STPG2: variants seen among roughly 807,000 people sequenced by gnomAD.
STPG2 encodes the protein sperm-tail PG-rich repeat-containing protein 2.
STPG2 carries 56 observed loss-of-function variants against 54.2 expected under a neutral mutation model. That is an observed-to-expected ratio of 1.03 (90% CI 0.83 to 1.29). The LOEUF is 1.29. Among genes scored for constraint, STPG2 ranks in the 50% most tolerant of loss-of-function variants. The probability of loss-of-function intolerance (pLI) is 0.00; values close to 1 mark genes in which losing one functional copy is unlikely to be tolerated. For missense variants in STPG2, 596 were observed against 544.9 expected (o/e 1.09, Z -0.93); for synonymous variants, 200 against 181.8 (o/e 1.10, Z -0.81).
At chr4:97,801,323 C>A (rs1422190047) in intron 9 of STPG2, among the ~76,000 whole-genome samples, 3 of 152,152 alleles carry the variant, frequency 2.0e-5, no homozygotes, top group Admixed American at 6.5e-5. Context: ...CATCTTGGAA[C>A]CTCCCCATTT....
intron 5 of STPG2, among the ~76,000 whole-genome samples, chr4:98,053,589 G>T (rs1244790266): frequency 6.6e-6 from 1 of 151,914 alleles, no homozygotes; most frequent in Admixed American, 6.6e-5. Context: ...CTGACTTTAG[G>T]CTTTTATTTA....
At chr4:97,784,783 G>A (rs1433633449) in intron 9 of STPG2, among the ~76,000 whole-genome samples, 2 of 151,946 alleles carry the variant, frequency 1.3e-5, no homozygotes, top group Non-Finnish European at 2.9e-5. Context: ...AATTGGAAAT[G>A]ATTAAAGAGA....
chr4:97,688,349 T>A (rs947031289), intron 10 of STPG2, among the ~76,000 whole-genome samples: 1 of 152,116 alleles, frequency 6.6e-6, no homozygotes, highest in Admixed American at 6.5e-5. Context: ...TTGAAAATGA[T>A]AATGATGCCA....
intron 9 of STPG2, among the ~76,000 whole-genome samples, chr4:97,783,964 T>A (rs1327772413): frequency 3.3e-5 from 5 of 151,372 alleles, no homozygotes; most frequent in Non-Finnish European, 7.4e-5. Flanking sequence ...ACATACCTAA[T>A]GTAAATGACG....
chr4:97,616,059 T>TAC lies in STPG2; in HGVS notation c.1321-56943_1321-56942insGT, dbSNP rs1332447435. Among the ~76,000 whole-genome samples the TAC allele has an allele frequency of 1.3e-3, 41 of 31,324 alleles. 1 individual carries two copies. The highest frequency in any genetic ancestry group is 3.8e-3 in the African/African-American group (36 of 9,356). The allele number at this position is 31,324 out of a possible 152,430, so 20.5% of individuals were successfully genotyped here. On this transcript the variant is annotated intron_variant, in intron 10 of 10. Coordinates refer to ENST00000295268, the MANE Select transcript of STPG2 (RefSeq NM_174952.3). Reference sequence around the variant, plus strand: ...CTCAAAAAAAAAAAATACATATAAATATATATATATATATATATATATATA... The same window carrying TAC: ...CTCAAAAAAAAAAAATACATATAAATACATATATATATATATATATATATATA...
chr4:97,621,112 C>A (rs909093164), intron 10 of STPG2, among the ~76,000 whole-genome samples: 1 of 152,036 alleles, frequency 6.6e-6, no homozygotes, highest in Non-Finnish European at 1.5e-5. Flanking sequence ...ATACAACATA[C>A]CAGAATCTCT....
At chr4:97,574,665 A>G (rs1732679785) in intron 10 of STPG2, among the ~76,000 whole-genome samples, 1 of 151,960 alleles carries the variant, frequency 6.6e-6, no homozygotes, top group African/African-American at 2.4e-5. Context: ...TTTCAGGGTG[A>G]AAGGGGCTGG....
chr4:97,769,445 C>G (rs1726159363), intron 9 of STPG2, among the ~76,000 whole-genome samples: 1 of 152,070 alleles, frequency 6.6e-6, no homozygotes, highest in Non-Finnish European at 1.5e-5. Flanking sequence ...GCAATAAACA[C>G]ATGCCTCCAA....
At chr4:98,099,469 T>G (rs1738960337) in intron 5 of STPG2, among the ~76,000 whole-genome samples, 1 of 152,118 alleles carries the variant, frequency 6.6e-6, no homozygotes, top group Non-Finnish European at 1.5e-5. Context: ...GATGCTGGGA[T>G]GGCCAGGGGA....
intron 1 of STPG2, among the ~76,000 whole-genome samples, chr4:98,139,905 G>A (rs1432478413): frequency 6.6e-6 from 1 of 152,114 alleles, no homozygotes; most frequent in Non-Finnish European, 1.5e-5. Context: ...TTGAACTTAT[G>A]TGTTATGGTA....
chr4:97,556,241 G>A (rs1732075638), downstream of STPG2, among the ~76,000 whole-genome samples: 1 of 152,130 alleles, frequency 6.6e-6, no homozygotes, highest in South Asian at 2.1e-4. Flanking sequence ...CAAGAAAGTG[G>A]TCATTAGAGT....
chr4:97,441,501 G>A (rs979705927), intron 4 of STPG2: 25 of 152,004 alleles, frequency 1.6e-4, no homozygotes, highest in Non-Finnish European at 2.7e-4. Flanking sequence ...GTCAGCTTAC[G>A]TTTATATTAA....
chr4:97,865,690 G>A lies in STPG2; in HGVS notation c.1045-24758C>T, dbSNP rs535471414. Among the ~76,000 whole-genome samples, 97 of 151,926 alleles carry A rather than the reference G, an allele frequency of 6.4e-4. 1 individual carries two copies. Among genetic ancestry groups the A allele is most frequent in the African/African-American group, 2.2e-3 (93 of 41,456 alleles). On this transcript the variant is annotated intron_variant, in intron 8 of 10. Coordinates refer to ENST00000295268, the MANE Select transcript of STPG2 (RefSeq NM_174952.3). ...CTCAGGAAGGGGAACATGACACATC[G>A]GGGCCTGTTGTGGGGTAGGGTGAGG...
chr4:97,880,121 T>A (rs1012068874), intron 8 of STPG2, among the ~76,000 whole-genome samples: 3 of 152,136 alleles, frequency 2.0e-5, no homozygotes, highest in Non-Finnish European at 4.4e-5. Context: ...TACAGCCTTC[T>A]AAAAGAAGGA....
intron 4 of STPG2, among the ~76,000 whole-genome samples, chr4:97,527,404 T>C (rs1731305468): frequency 6.6e-6 from 1 of 152,224 alleles, no homozygotes; most frequent in South Asian, 2.1e-4. Context: ...CTATCATTGA[T>C]GGGCATTTGG....
chr4:97,552,894 C>T (rs1356189311), intron 4 of STPG2, among the ~76,000 whole-genome samples: 1 of 152,010 alleles, frequency 6.6e-6, no homozygotes, highest in Non-Finnish European at 1.5e-5. Context: ...AATACTAGGC[C>T]CTGAGTCCTG....
At chr4:98,084,719 AG>A (rs1738455268) in intron 5 of STPG2, among the ~76,000 whole-genome samples, 1 of 152,136 alleles carries the variant, frequency 6.6e-6, no homozygotes, top group Non-Finnish European at 1.5e-5. Context: ...AACGGTTTAG[AG>A]CAACTTTTGT....
intron 4 of STPG2, among the ~76,000 whole-genome samples, chr4:97,537,343 C>G (rs1560649133): frequency 6.6e-6 from 1 of 152,310 alleles, no homozygotes; most frequent in African/African-American, 2.4e-5. Flanking sequence ...ATCACTCCCA[C>G]CCTAATATTG....
chr4:98,134,148 T>C (rs1740071864), intron 2 of STPG2, among the ~76,000 whole-genome samples, 199 bp downstream of exon 2: 1 of 151,986 alleles, frequency 6.6e-6, no homozygotes, highest in African/African-American at 2.4e-5. Context: ...ATAGAATATG[T>C]AGAATAATGA....
Sources: gnomAD v4.1 joint callset for allele counts (sites outside exome capture counted in the v4.1 genomes callset) on GRCh38, gnomAD v4.1.1 for gene constraint, MANE v1.5 for transcripts, NCBI Gene and HGNC (gene_info 2026-07-23, HGNC 2026-07-21) for gene names.